Variants in NETO2 observed in about 807,000 individuals in gnomAD.
The protein encoded by NETO2 is neuropilin and tolloid-like protein 2.
In NETO2, 28 loss-of-function variants were observed where a neutral mutation model predicts 62.5. The observed-to-expected ratio is 0.45, with a 90% CI of 0.33 to 0.61. The LOEUF is 0.61. NETO2 is among the 20% of genes least tolerant of loss of function. NETO2 has a pLI of 0.02. For missense variants in NETO2, 548 were observed against 643.2 expected (o/e 0.85, Z 1.60); for synonymous variants, 214 against 219.1 (o/e 0.98, Z 0.21).
intron 7 of NETO2, among the ~76,000 whole-genome samples, chr16:47,097,788 T>C (rs1963459289): frequency 1.3e-5 from 2 of 152,176 alleles, no homozygotes; most frequent in South Asian, 4.1e-4. Context: ...AGCTGGCATC[T>C]GGTGGGTGCC....
At chr16:47,084,981 T>C (rs975653940) in intron 8 of NETO2, among the ~76,000 whole-genome samples, 2 of 152,114 alleles carry the variant, frequency 1.3e-5, no homozygotes, top group Non-Finnish European at 2.9e-5. Context: ...CCCTGTTCTG[T>C]GAAAAAATTG....
At chr16:47,107,259 C>G (rs1215764237) in intron 7 of NETO2, among the ~76,000 whole-genome samples, 2 of 152,152 alleles carry the variant, frequency 1.3e-5, no homozygotes, top group Non-Finnish European at 2.9e-5. Flanking sequence ...CTCCAAGTGT[C>G]CCTCTTGGGA....
chr16:47,100,142 C>T (rs1963511549), intron 7 of NETO2, among the ~76,000 whole-genome samples: 1 of 152,172 alleles, frequency 6.6e-6, no homozygotes, highest in South Asian at 2.1e-4. Flanking sequence ...AATTAGAACT[C>T]AGGATTAAGA....
chr16:47,112,585 C>G (rs529993820), intron 6 of NETO2, among the ~76,000 whole-genome samples: 1 of 152,208 alleles, frequency 6.6e-6, no homozygotes, highest in South Asian at 2.1e-4. Flanking sequence ...GTCTCGAACT[C>G]TTGACCTCAA....
At chr16:47,132,070 C>A in intron 1 of NETO2, 45 bp from the exon 2 acceptor site, 7 of 1,334,360 alleles carry the variant, frequency 5.2e-6, no homozygotes, top group Non-Finnish European at 5.3e-6. Flanking sequence ...TGAATCTATA[C>A]TACATTTTAC....
intron 1 of NETO2, among the ~76,000 whole-genome samples, chr16:47,139,720 C>T (rs564749992): frequency 6.6e-6 from 1 of 152,238 alleles, no homozygotes; most frequent in Non-Finnish European, 1.5e-5. Context: ...TGGGATCACT[C>T]CAGCCTACAT....
At chr16:47,098,031 T>C (rs563148997) in intron 7 of NETO2, among the ~76,000 whole-genome samples, 1 of 151,946 alleles carries the variant, frequency 6.6e-6, no homozygotes, top group East Asian at 1.9e-4. Context: ...GTCACCAACA[T>C]CAAAGACCAA....
chr16:47,105,536 A>G (rs1316416041), intron 7 of NETO2, among the ~76,000 whole-genome samples: 1 of 152,188 alleles, frequency 6.6e-6, no homozygotes, highest in African/African-American at 2.4e-5. Context: ...AAAGGACACT[A>G]TATCAAGGGA....
chr16:47,109,793 T>A (rs1963754293), intron 6 of NETO2, 82 bp from the exon 7 acceptor site: 2 of 949,580 alleles, frequency 2.1e-6, no homozygotes, highest in Non-Finnish European at 3.2e-6. Context: ...ACAGACAACA[T>A]GGGACACCGA....
At chr16:47,122,110 T>A (rs1212166992) in intron 6 of NETO2, among the ~76,000 whole-genome samples, 1 of 152,204 alleles carries the variant, frequency 6.6e-6, no homozygotes, top group Admixed American at 6.5e-5. Context: ...GAAGTATACA[T>A]TAAATGCAAA....
intron 7 of NETO2, among the ~76,000 whole-genome samples, chr16:47,097,056 C>T (rs1459361517): frequency 1.3e-5 from 2 of 152,216 alleles, no homozygotes; most frequent in Non-Finnish European, 2.9e-5. Flanking sequence ...CGGGTGCCTA[C>T]ACCACCAGGG....
At chr16:47,134,743 C>T (rs1964334417) in intron 1 of NETO2, among the ~76,000 whole-genome samples, 1 of 152,164 alleles carries the variant, frequency 6.6e-6, no homozygotes, top group Non-Finnish European at 1.5e-5. Flanking sequence ...AAGACAGCAA[C>T]GGCAACTATG....
At chr16:47,128,614 G>A (rs765138750) in intron 3 of NETO2, 41 bp from the exon 4 acceptor site, 3 of 1,586,778 alleles carry the variant, frequency 1.9e-6, no homozygotes, top group Non-Finnish European at 8.5e-7. Context: ...ACACAAACAA[G>A]AAAGAATATA....
In NETO2 at chr16:47,132,031, G is replaced by A. The variant is rs1964276188; in HGVS notation, c.35-6C>T. ...CAGTACTGTTATTAACAACACTAGA[G>A]AAATAACAGAGAAGAAAAGTTATGA... is the stretch of plus-strand genomic sequence containing the variant. On this transcript the variant is annotated splice_region_variant and splice_polypyrimidine_tract_variant and intron_variant, in intron 1 of 8. Coordinates refer to ENST00000562435, the MANE Select transcript of NETO2 (RefSeq NM_018092.5). 1.9e-6 allele frequency: 3 copies of A among 1,606,234 alleles called. No homozygotes were observed. The highest frequency in any genetic ancestry group is 1.1e-5 in the South Asian group (1 of 90,520).
intron 6 of NETO2, among the ~76,000 whole-genome samples, chr16:47,110,055 A>G (rs1963760848): frequency 6.6e-6 from 1 of 152,272 alleles, no homozygotes; most frequent in Admixed American, 6.5e-5. Flanking sequence ...TCATATTTCT[A>G]TTATTCCAAC....
chr16:47,086,436 G>T, intron 7 of NETO2, 97 bp from the exon 8 acceptor site: 1 of 723,882 alleles, frequency 1.4e-6, no homozygotes, highest in South Asian at 1.6e-5. Context: ...CTTTCTTACC[G>T]CAAAGGCCTT....
At chr16:47,131,939 T>G in intron 2 of NETO2, 30 bp downstream of exon 2, 2 of 1,585,304 alleles carry the variant, frequency 1.3e-6, no homozygotes, top group Non-Finnish European at 1.7e-6. Flanking sequence ...GTCTTAAACA[T>G]GCAGTAAGTC....
chr16:47,124,492 TC>T (rs1432312213), intron 4 of NETO2, among the ~76,000 whole-genome samples: 1 of 152,168 alleles, frequency 6.6e-6, no homozygotes. Flanking sequence ...ATTTACCACC[TC>T]CTAGACAAAA....
At chr16:47,124,277 G>T (rs566484170) in intron 4 of NETO2, among the ~76,000 whole-genome samples, 3 of 152,020 alleles carry the variant, frequency 2.0e-5, no homozygotes, top group Non-Finnish European at 4.4e-5. Context: ...ATGGCGGAGG[G>T]GAATCACAGG....
Sources: gnomAD v4.1 joint callset for allele counts (sites outside exome capture counted in the v4.1 genomes callset) on GRCh38, gnomAD v4.1.1 for gene constraint, MANE v1.5 for transcripts, NCBI Gene and HGNC (gene_info 2026-07-23, HGNC 2026-07-21) for gene names.